The following SMTN variants were observed in gnomAD, a reference collection of about 807,000 sequenced individuals.
SMTN encodes the protein smoothelin.
Under a neutral mutation model 102.0 loss-of-function variants are expected in SMTN, and 58 were observed. The observed-to-expected ratio is 0.57, with a 90% CI of 0.46 to 0.71. The LOEUF (loss-of-function observed/expected upper bound fraction) is 0.71, where lower values mean the gene tolerates loss of function less well. Among genes scored for constraint, SMTN ranks in the 30% least tolerant of loss-of-function variants. The pLI, the probability that SMTN is intolerant of heterozygous loss-of-function variation, is 0.00. For missense variants in SMTN, 1,185 were observed against 1,241.7 expected (o/e 0.95, Z 0.69); for synonymous variants, 478 against 497.9 (o/e 0.96, Z 0.53).
At position 31,091,794 on chromosome 22, in the gene SMTN, G is replaced by C; in HGVS notation, c.1579G>C (p.Val527Leu). Residue 527 changes from valine to leucine, a missense_variant, in exon 11 of 21, where the codon GTC becomes CTC. Around this residue, in one of 2 missense-constraint regions of SMTN, gnomAD observed 1,096 missense variants for 1,112.7 expected, o/e 0.98. Transcript: ENST00000333137. ...TLARLGSVTH[V>L]TSFSHAPPSS... is the part of the protein sequence containing the mutation. The stretch of plus-strand genomic sequence containing the variant: ...GGCTCGGCTGGGCAGTGTCACTCAT[G>C]TCACCAGCTTCAGCCATGCCCCCCC... 4 of 1,608,338 alleles carry C rather than the reference G, an allele frequency of 2.5e-6. No individual in the cohort carries two copies. Among genetic ancestry groups the C allele is most frequent in the Non-Finnish European group, 3.4e-6 (4 of 1,177,334 alleles).
At chr22:31,077,923 A>G (rs555816976), upstream of SMTN, among the ~76,000 whole-genome samples, 1 of 152,340 alleles carries the variant, frequency 6.6e-6, no homozygotes, top group Non-Finnish European at 1.5e-5. Flanking sequence ...AGTTCTGCAC[A>G]TAAGGAGGAA....
chr22:31,091,682 A>G lies in SMTN; in HGVS notation c.1467A>G (p.Thr489=). 1 of 1,592,290 alleles carries G rather than the reference A, an allele frequency of 6.3e-7. No individual in the cohort carries two copies. The highest frequency in any genetic ancestry group is 8.6e-7 in the Non-Finnish European group (1 of 1,165,760). The change falls in exon 11 of 21, where the codon ACA becomes ACG. Residue 489 remains threonine, a synonymous_variant. Transcript: ENST00000333137. ...ACCTTTCTCCCCACTCAGAACTGACACTGGGGCTGCGGGCGCCCCCGACCC... is the reference window on the plus strand; with the variant it reads ...ACCTTTCTCCCCACTCAGAACTGACGCTGGGGCTGCGGGCGCCCCCGACCC... The part of the protein sequence containing the change: ...LPTGNQRAEL[T]LGLRAPPTLL...
rs770933566 is a variant in SMTN at position 31,099,075 on chromosome 22, C to G, written c.2347C>G (p.Pro783Ala). ...KEGAAGSPGG[P>A]RAAVQRSTSF... ...CCGCCCCTACAGCAGCCCTGGCGGA[C>G]CCCGCGCAGCCGTGCAGCGATCCAC... The change falls in exon 18 of 21, where the codon CCC becomes GCC. Residue 783 changes from proline to alanine, a missense_variant. Physicochemically the swap from Pro to Ala is conservative, Grantham distance 27. Around this residue, in one of 2 missense-constraint regions of SMTN, gnomAD observed 1,096 missense variants for 1,112.7 expected, o/e 0.98. Coordinates refer to ENST00000333137, the MANE Select transcript of SMTN (RefSeq NM_134269.3). 3.1e-6 allele frequency: 5 copies of G among 1,612,030 alleles called. No individual in the cohort carries two copies. The Admixed American group carries it at 6.7e-5, about 21-fold the overall frequency.
intron 2 of SMTN, chr22:31,087,760 A>G (rs777009510): frequency 5.4e-5 from 27 of 499,026 alleles, no homozygotes; most frequent in African/African-American, 9.7e-5. Flanking sequence ...GTGAACCACA[A>G]TGCAAAGTGG....
upstream of SMTN, among the ~76,000 whole-genome samples, chr22:31,078,850 C>T (rs1302519136): frequency 6.7e-6 from 1 of 149,440 alleles, no homozygotes; most frequent in East Asian, 2.7e-4. Flanking sequence ...TGCACTCCAG[C>T]CTGTGGGACA....
chr22:31,093,120 G>T (rs544438910), intron 11 of SMTN, among the ~76,000 whole-genome samples: 1 of 152,240 alleles, frequency 6.6e-6, no homozygotes, highest in Non-Finnish European at 1.5e-5. Flanking sequence ...GAGGCATGGG[G>T]CCCCGATCTC....
intron 1 of SMTN, among the ~76,000 whole-genome samples, chr22:31,075,525 A>G (rs929547201): frequency 2.0e-5 from 3 of 152,128 alleles, no homozygotes; most frequent in African/African-American, 7.2e-5. Context: ...TACTGAAAAT[A>G]CAAAAATTAG....
intron 3 of SMTN, 91 bp downstream of exon 3, chr22:31,088,204 A>G: frequency 7.3e-7 from 1 of 1,379,116 alleles, no homozygotes; most frequent in Non-Finnish European, 9.8e-7. Flanking sequence ...GCACAAGTGT[A>G]TCTGTGGATT....
Position 31,098,809 on chromosome 22 carries a change from A to T in SMTN, c.2302A>T (p.Ile768Phe), listed in dbSNP as rs200703498. 7 of 1,612,006 alleles carry T rather than the reference A, an allele frequency of 4.3e-6. No individual in the cohort carries two copies. The African/African-American group carries it at 6.7e-5, about 15-fold the overall frequency. Residue 768 changes from isoleucine (I) to phenylalanine (F), a missense_variant, in exon 17 of 21, where the codon ATT becomes TTT. Ile to Phe is a conservative substitution (Grantham distance 21). Coordinates refer to ENST00000333137, the MANE Select transcript of SMTN (RefSeq NM_134269.3). ...AGCCTCCCAGGCGCGCAAGGCCATGATTGAGAAGCTGGAGAAGGAGGGCGC... is the reference window on the plus strand; with the variant it reads ...AGCCTCCCAGGCGCGCAAGGCCATGTTTGAGAAGCTGGAGAAGGAGGGCGC... The part of the protein sequence containing the change: ...TSASQARKAM[I>F]EKLEKEGAAG...
intron 1 of SMTN, chr22:31,065,729 G>T (rs1455231747): frequency 6.6e-6 from 1 of 151,614 alleles, no homozygotes; most frequent in Non-Finnish European, 1.5e-5. Context: ...CCCATTATGT[G>T]CCAGTCCCTG....
chr22:31,093,969 GT>G, intron 11 of SMTN: 1 of 854,324 alleles, frequency 1.2e-6, no homozygotes, highest in Non-Finnish European at 1.8e-6. Context: ...CTGAGCCTCA[GT>G]TTATCTATCT....
At chr22:31,088,420 G>A in intron 3 of SMTN, 93 bp from the exon 4 acceptor site, 3 of 1,142,706 alleles carry the variant, frequency 2.6e-6, no homozygotes, top group Non-Finnish European at 3.9e-6. Context: ...TTCTGCCAAG[G>A]TTCTGGGTAC....
rs1239811116 is a variant in SMTN at position 31,089,816 on chromosome 22, A to G, written c.589A>G (p.Ser197Gly). ...ACTCCTGCTGCGAGCCCCACCTGGG[A>G]GCACATCCAGCTCACCTGCCTCACC... is the stretch of plus-strand genomic sequence containing the variant. ...VTLLLRAPPG[S>G]TSSSPASPSS... The change falls in exon 7 of 21, where the codon AGC becomes GGC. Residue 197 changes from serine (S) to glycine (G), a missense_variant. Physicochemically the swap from Ser to Gly is moderately conservative, Grantham distance 56 (BLOSUM62 0). This residue lies in a region of SMTN where 1,096 missense variants were observed against 1,112.7 expected (regional missense o/e 0.98). Coordinates refer to ENST00000333137, the MANE Select transcript of SMTN (RefSeq NM_134269.3). 8 of 1,613,444 alleles carry G rather than the reference A, an allele frequency of 5.0e-6. No individual in the cohort carries two copies. The highest frequency in any genetic ancestry group is 6.8e-6 in the Non-Finnish European group (8 of 1,179,930).
At chr22:31,089,613 T>G (rs946723342) in intron 6 of SMTN, 86 bp from the exon 7 acceptor site, 5 of 1,314,058 alleles carry the variant, frequency 3.8e-6, no homozygotes, top group Non-Finnish European at 5.3e-6. Flanking sequence ...TGCCCTGCCC[T>G]GGGCACTTGC....
At chr22:31,083,591 T>C (rs776354789) in intron 2 of SMTN, 41 of 326,100 alleles carry the variant, frequency 1.3e-4, no homozygotes, top group Non-Finnish European at 2.2e-4. Context: ...CAGCCACAGG[T>C]GTGGGGAGGC....
chr22:31,093,735 G>C (rs1458963586), intron 11 of SMTN: 1 of 1,388,726 alleles, frequency 7.2e-7, no homozygotes, highest in Non-Finnish European at 1.0e-6. Context: ...CTGAGCTGGA[G>C]CCCAGCGAGC....
intron 8 of SMTN, 62 bp from the exon 9 acceptor site, chr22:31,090,746 C>T: frequency 7.7e-7 from 1 of 1,295,214 alleles, no homozygotes; most frequent in African/African-American, 1.4e-5. Context: ...AAGGTGGACA[C>T]CCACTATCCC....
intron 1 of SMTN, chr22:31,064,840 T>C (rs1327241682): frequency 1.3e-5 from 2 of 152,178 alleles, no homozygotes; most frequent in East Asian, 3.8e-4. Context: ...TACCTCACCT[T>C]AGTACAATTA....
rs1242819404 is a variant in SMTN at position 31,099,080 on chromosome 22, C to T, written c.2352C>T (p.Arg784=). 1 of 1,612,358 alleles carries T rather than the reference C, an allele frequency of 6.2e-7. No individual in the cohort carries two copies. ...CCTACAGCAGCCCTGGCGGACCCCG[C>T]GCAGCCGTGCAGCGATCCACCAGCT... ...EGAAGSPGGP[R]AAVQRSTSFG... The change falls in exon 18 of 21, where the codon CGC becomes CGT. Residue 784 remains arginine (R), a synonymous_variant. Coordinates refer to ENST00000333137, the MANE Select transcript of SMTN (RefSeq NM_134269.3).
Sources: allele counts gnomAD v4.1 joint callset (sites outside exome capture counted in the v4.1 genomes callset), GRCh38; gene constraint gnomAD v4.1.1; regional missense constraint gnomAD v4.1.1; transcripts MANE v1.5; gene names NCBI Gene and HGNC (gene_info 2026-07-23, HGNC 2026-07-21).